The following SDK1 variants were observed in gnomAD, a reference collection of about 807,000 sequenced individuals.
The protein encoded by SDK1 is sidekick cell adhesion molecule 1.
In SDK1, 157 loss-of-function variants were observed where a neutral mutation model predicts 245.5. That is an observed-to-expected ratio of 0.64 (90% CI 0.56 to 0.73). The LOEUF is 0.73. SDK1 is among the 30% of genes least tolerant of loss of function. The pLI, the probability that SDK1 is intolerant of heterozygous loss-of-function variation, is 0.00. For synonymous variants in SDK1, 1,647 were observed against 1,278.5 expected (o/e 1.29, Z -6.15); for missense variants, 3,583 against 3,002.3 (o/e 1.19, Z -4.52).
intron 32 of SDK1, among the ~76,000 whole-genome samples, chr7:4,164,333 T>G (rs1781357278): frequency 6.6e-6 from 1 of 152,152 alleles, no homozygotes; most frequent in Admixed American, 6.5e-5. Context: ...GTTCCTCCTT[T>G]GTAAGAACAG....
chr7:4,090,314 G>C (rs780296124), intron 22 of SDK1, among the ~76,000 whole-genome samples: 18 of 152,116 alleles, frequency 1.2e-4, no homozygotes, highest in Non-Finnish European at 2.2e-4. Flanking sequence ...TTTCTTGCTG[G>C]AATTAATTAG....
chr7:3,304,115 A>G (rs1525553), intron 1 of SDK1, among the ~76,000 whole-genome samples: 28,322 of 152,174 alleles, frequency 0.19, 2,660 homozygotes, highest in African/African-American at 0.23. Context: ...CAGACCCTCT[A>G]TGTAACTGAT....
chr7:3,563,642 T>A (rs931332022), intron 1 of SDK1, among the ~76,000 whole-genome samples: 1 of 152,120 alleles, frequency 6.6e-6, no homozygotes, highest in African/African-American at 2.4e-5. Context: ...AATTAGTAAA[T>A]CCTACAGTTG....
intron 44 of SDK1, among the ~76,000 whole-genome samples, chr7:4,251,831 C>G (rs1787320815): frequency 6.6e-6 from 1 of 152,186 alleles, no homozygotes; most frequent in African/African-American, 2.4e-5. Context: ...CAGATTGTTT[C>G]TACTTTTTGG....
At chr7:3,471,234 C>G (rs1197770711) in intron 1 of SDK1, among the ~76,000 whole-genome samples, 2 of 152,006 alleles carry the variant, frequency 1.3e-5, no homozygotes, top group East Asian at 3.8e-4. Context: ...CCTATTAATC[C>G]CTTTGAGTCT....
At chr7:4,228,935 G>A (rs1478951111) in intron 40 of SDK1, among the ~76,000 whole-genome samples, 2 of 152,208 alleles carry the variant, frequency 1.3e-5, no homozygotes, top group African/African-American at 4.8e-5. Context: ...TAGCCTGGGT[G>A]ATTGACAAGT....
intron 22 of SDK1, among the ~76,000 whole-genome samples, chr7:4,085,993 T>C (rs1352967751): frequency 1.3e-5 from 2 of 152,280 alleles, no homozygotes; most frequent in Non-Finnish European, 2.9e-5. Context: ...CTTACCCTGT[T>C]GCCTGTCTGC....
intron 32 of SDK1, among the ~76,000 whole-genome samples, chr7:4,170,030 AGTCTCACATACCGACTTT>A (rs1781741551): frequency 6.6e-6 from 1 of 152,198 alleles, no homozygotes; most frequent in Non-Finnish European, 1.5e-5. Flanking sequence ...GCCTCTCTTC[AGTCTCACATACCGACTTT>A]TCCAACTTTT....
chr7:3,628,513 C>T (rs997049973), intron 2 of SDK1, among the ~76,000 whole-genome samples: 2 of 152,092 alleles, frequency 1.3e-5, no homozygotes, highest in Non-Finnish European at 2.9e-5. Flanking sequence ...ATGTTTGACT[C>T]TTCTTTGGGG....
chr7:4,064,026 T>C (rs1779713972), intron 19 of SDK1, among the ~76,000 whole-genome samples: 1 of 152,136 alleles, frequency 6.6e-6, no homozygotes, highest in Admixed American at 6.5e-5. Flanking sequence ...TAGGCAAAGA[T>C]TTTATGGCTA....
chr7:3,794,037 A>G (rs1778896322), intron 4 of SDK1, among the ~76,000 whole-genome samples: 1 of 152,176 alleles, frequency 6.6e-6, no homozygotes, highest in Non-Finnish European at 1.5e-5. Context: ...CATGCCAAAT[A>G]TGTTTCATCT....
intron 5 of SDK1, among the ~76,000 whole-genome samples, chr7:3,911,067 A>G (rs1779145524): frequency 6.6e-6 from 1 of 152,126 alleles, no homozygotes; most frequent in Non-Finnish European, 1.5e-5. Flanking sequence ...TCAGCTCTCC[A>G]TTTTGGGGGG....
At chr7:3,389,352 G>C (rs1249453001) in intron 1 of SDK1, among the ~76,000 whole-genome samples, 3 of 152,114 alleles carry the variant, frequency 2.0e-5, no homozygotes, top group African/African-American at 7.2e-5. Context: ...GAGGAAACAG[G>C]ATATTTAACT....
At chr7:3,962,589 A>C in intron 8 of SDK1, 68 bp from the exon 9 acceptor site, 1 of 1,334,066 alleles carries the variant, frequency 7.5e-7, no homozygotes, top group Non-Finnish European at 1.0e-6. Context: ...AGCCTTTGAA[A>C]CAGATGTGCT....
intron 4 of SDK1, among the ~76,000 whole-genome samples, chr7:3,658,149 G>A (rs1381273403): frequency 6.6e-6 from 1 of 152,120 alleles, no homozygotes; most frequent in Non-Finnish European, 1.5e-5. Flanking sequence ...TTACTTTGGT[G>A]CGTGATGATC....
chr7:3,779,188 G>C (rs994848954), intron 4 of SDK1, among the ~76,000 whole-genome samples: 1 of 152,162 alleles, frequency 6.6e-6, no homozygotes, highest in Non-Finnish European at 1.5e-5. Flanking sequence ...TATACCATCT[G>C]GTCCAAGAAA....
intron 5 of SDK1, among the ~76,000 whole-genome samples, chr7:3,883,102 G>A (rs1781246790): frequency 6.6e-6 from 1 of 152,156 alleles, no homozygotes; most frequent in South Asian, 2.1e-4. Flanking sequence ...TTTCTACAGA[G>A]CCCACGGGTT....
At chr7:4,162,649 C>G (rs1387204426) in intron 32 of SDK1, among the ~76,000 whole-genome samples, 2 of 152,088 alleles carry the variant, frequency 1.3e-5, no homozygotes, top group East Asian at 3.9e-4. Context: ...ATCCACCCAC[C>G]TCAGCCTCCC....
chr7:3,594,743 T>C (rs1205323190), intron 1 of SDK1, among the ~76,000 whole-genome samples: 1 of 152,204 alleles, frequency 6.6e-6, no homozygotes, highest in South Asian at 2.1e-4. Flanking sequence ...AAATATACTA[T>C]TGATTGTAAG....
Sources: gnomAD v4.1 joint callset for allele counts (sites outside exome capture counted in the v4.1 genomes callset) on GRCh38, gnomAD v4.1.1 for gene constraint, MANE v1.5 for transcripts, NCBI Gene and HGNC (gene_info 2026-07-23, HGNC 2026-07-21) for gene names.